Variants in AP1S3 observed in about 807,000 individuals in gnomAD.
The protein encoded by AP1S3 is adaptor related protein complex 1 subunit sigma 3.
In AP1S3, 10 loss-of-function variants were observed where a neutral mutation model predicts 20.9. The ratio of observed to expected loss-of-function variants is 0.48; its 90% CI spans 0.29 to 0.81. The LOEUF (loss-of-function observed/expected upper bound fraction) is 0.81. Ranked by LOEUF, AP1S3 falls within the 30% of genes least tolerant of loss-of-function variation. AP1S3 has a pLI of 0.08. For synonymous variants in AP1S3, 41 were observed against 61.5 expected (o/e 0.67, Z 1.56); for missense variants, 154 against 183.8 (o/e 0.84, Z 0.94).
intron 4 of AP1S3, among the ~76,000 whole-genome samples, chr2:223,764,309 C>T (rs1690428194): frequency 6.6e-6 from 1 of 152,134 alleles, no homozygotes; most frequent in South Asian, 2.1e-4. Flanking sequence ...CCCACTGAGG[C>T]TGTGGGAAGA....
At chr2:223,820,824 C>G (rs1027863783) in intron 1 of AP1S3, among the ~76,000 whole-genome samples, 1 of 152,060 alleles carries the variant, frequency 6.6e-6, no homozygotes, top group Admixed American at 6.6e-5. Context: ...TGTCTGTTTC[C>G]CAAACTCATT....
chr2:223,757,600 C>T lies in AP1S3; in HGVS notation c.*1115G>A, dbSNP rs184012443. The T allele has an allele frequency of 3.0e-6, 3 of 985,192 alleles. No individual in the cohort carries two copies. The highest frequency in any genetic ancestry group is 3.6e-6 in the Non-Finnish European group (3 of 829,922). The allele number at this position is 985,192 out of a possible 1,614,324, so 61.0% of individuals were successfully genotyped here. A position where few individuals can be genotyped will look rare whatever the true frequency, so the allele number is the denominator to read the frequency against. On this transcript the variant is annotated 3_prime_UTR_variant, in exon 5 of 5. Coordinates refer to ENST00000396654, the MANE Select transcript of AP1S3 (RefSeq NM_001039569.2). ...ACCACTCCCGGCCTACAAGCTATTT[C>T]CCTGTAATATGTCTGATCACTGTTA...
intron 1 of AP1S3, among the ~76,000 whole-genome samples, chr2:223,786,052 G>A (rs1574702302): frequency 1.3e-5 from 2 of 152,146 alleles, no homozygotes; most frequent in Admixed American, 6.5e-5. Flanking sequence ...CTCTACATGT[G>A]TTGGGGCAGG....
chr2:223,826,848 T>C (rs1039265777), intron 1 of AP1S3, among the ~76,000 whole-genome samples: 3 of 152,024 alleles, frequency 2.0e-5, no homozygotes, highest in African/African-American at 7.2e-5. Context: ...TGAACTTTGC[T>C]CAAGAGGCTA....
chr2:223,834,047 T>C (rs1258826633), intron 1 of AP1S3, among the ~76,000 whole-genome samples: 1 of 152,120 alleles, frequency 6.6e-6, no homozygotes, highest in African/African-American at 2.4e-5. Flanking sequence ...TAGCTGGGAT[T>C]ATAGGCATGC....
intron 2 of AP1S3, among the ~76,000 whole-genome samples, chr2:223,776,774 T>C (rs146917952): frequency 2.2e-4 from 33 of 152,260 alleles, no homozygotes; most frequent in African/African-American, 7.2e-4. Flanking sequence ...CAAGCAGATA[T>C]GGTAAAAACA....
intron 3 of AP1S3, among the ~76,000 whole-genome samples, chr2:223,772,422 T>A (rs1306202185): frequency 1.3e-5 from 2 of 151,960 alleles, no homozygotes; most frequent in Non-Finnish European, 2.9e-5. Flanking sequence ...TACATCAAAT[T>A]CAAAAGCTCT....
At chr2:223,824,490 A>T (rs1209483477) in intron 1 of AP1S3, among the ~76,000 whole-genome samples, 1 of 152,166 alleles carries the variant, frequency 6.6e-6, no homozygotes, top group Non-Finnish European at 1.5e-5. Flanking sequence ...GCACCGCCTG[A>T]CTTTGGATAA....
intron 1 of AP1S3, among the ~76,000 whole-genome samples, chr2:223,783,983 TA>T (rs1691016227): frequency 6.6e-6 from 1 of 152,172 alleles, no homozygotes. Context: ...ACCCATCCCT[TA>T]ACGCCACTGC....
At chr2:223,786,131 A>T (rs555073132) in intron 1 of AP1S3, among the ~76,000 whole-genome samples, 36 of 152,300 alleles carry the variant, frequency 2.4e-4, no homozygotes, top group South Asian at 4.2e-4. Context: ...TAAAAAAATT[A>T]AGTCTTAAGA....
intron 1 of AP1S3, among the ~76,000 whole-genome samples, chr2:223,781,541 G>A (rs1350478908): frequency 6.6e-6 from 1 of 151,972 alleles, no homozygotes; most frequent in African/African-American, 2.4e-5. Flanking sequence ...TTTGAGAGTA[G>A]CCTGGGAAAC....
intron 1 of AP1S3, among the ~76,000 whole-genome samples, chr2:223,819,400 T>C (rs1691933417): frequency 6.6e-6 from 1 of 152,200 alleles, no homozygotes; most frequent in Non-Finnish European, 1.5e-5. Flanking sequence ...AAGCACACTC[T>C]GTTTGCTCAC....
At chr2:223,809,638 C>T (rs903771496) in intron 1 of AP1S3, among the ~76,000 whole-genome samples, 1 of 151,658 alleles carries the variant, frequency 6.6e-6, no homozygotes, top group Admixed American at 6.6e-5. Context: ...AGTGAGACTC[C>T]GTTTCAAAAC....
chr2:223,781,939 T>C (rs958043558), intron 1 of AP1S3, among the ~76,000 whole-genome samples: 2 of 152,040 alleles, frequency 1.3e-5, no homozygotes, highest in African/African-American at 2.4e-5. Context: ...CCATAGATTA[T>C]ATAAAAAGAG....
intron 1 of AP1S3, among the ~76,000 whole-genome samples, chr2:223,793,657 TG>T (rs1691262546): frequency 6.6e-6 from 1 of 152,122 alleles, no homozygotes; most frequent in South Asian, 2.1e-4. Flanking sequence ...ACCTAGGTGA[TG>T]GGATGATCTG....
intron 1 of AP1S3, among the ~76,000 whole-genome samples, chr2:223,807,307 G>C (rs548890187): frequency 2.1e-4 from 32 of 152,030 alleles, no homozygotes; most frequent in Non-Finnish European, 4.3e-4. Flanking sequence ...AAATACAGTA[G>C]CTACTCCAAT....
intron 3 of AP1S3, among the ~76,000 whole-genome samples, chr2:223,769,400 C>T (rs114815475): frequency 1.8e-3 from 270 of 152,284 alleles, no homozygotes; most frequent in Non-Finnish European, 3.4e-3. Context: ...TCTAAATTTT[C>T]GGATGAATAT....
chr2:223,768,023 G>A (rs1690522082), intron 3 of AP1S3, among the ~76,000 whole-genome samples: 1 of 152,144 alleles, frequency 6.6e-6, no homozygotes, highest in Non-Finnish European at 1.5e-5. Flanking sequence ...TGGCGGTTGT[G>A]CCTGCTCAGG....
intron 1 of AP1S3, among the ~76,000 whole-genome samples, chr2:223,819,825 T>C (rs1431859336): frequency 6.6e-6 from 1 of 152,158 alleles, no homozygotes; most frequent in Non-Finnish European, 1.5e-5. Context: ...CAAAGTTAGT[T>C]ACCTTATATT....
Sources: gnomAD v4.1 joint callset for allele counts (sites outside exome capture counted in the v4.1 genomes callset) on GRCh38, gnomAD v4.1.1 for gene constraint, MANE v1.5 for transcripts, NCBI Gene and HGNC (gene_info 2026-07-23, HGNC 2026-07-21) for gene names.